Variants in SYT17 observed in about 807,000 individuals in gnomAD.
SYT17 encodes synaptotagmin-17.
In SYT17, 22 loss-of-function variants were observed where a neutral mutation model predicts 46.7. The ratio of observed to expected loss-of-function variants is 0.47; its 90% CI spans 0.34 to 0.67. SYT17 has a LOEUF of 0.67. Among genes scored for constraint, SYT17 ranks in the 30% least tolerant of loss-of-function variants. The pLI, the probability that SYT17 is intolerant of heterozygous loss-of-function variation, is 0.01. For missense variants in SYT17, 519 were observed against 612.8 expected (o/e 0.85, Z 1.62); for synonymous variants, 251 against 248.4 (o/e 1.01, Z -0.10).
intron 5 of SYT17, among the ~76,000 whole-genome samples, chr16:19,216,973 T>C (rs544762452): frequency 8.5e-5 from 13 of 152,338 alleles, no homozygotes; most frequent in African/African-American, 2.9e-4. Context: ...TCCACAATGG[T>C]TGAACTAATT....
At chr16:19,251,352 C>T (rs1198376374) in intron 7 of SYT17, among the ~76,000 whole-genome samples, 1 of 152,162 alleles carries the variant, frequency 6.6e-6, no homozygotes, top group Non-Finnish European at 1.5e-5. Flanking sequence ...ACACATGCCA[C>T]ATTAACCCAC....
At chr16:19,249,820 T>C in intron 7 of SYT17, 2 of 985,716 alleles carry the variant, frequency 2.0e-6, no homozygotes, top group East Asian at 2.8e-5. Context: ...ATGCATGGTC[T>C]GTTATTGGAG....
rs1328272137 is a variant in SYT17, at chr16:19,267,464, C to G, written c.*388C>G. ...CAAGCTCCATCAAGACTAAATTTAC[C>G]AAGAGTTTGGCCAGTGTGTGGGAGA... On this transcript the variant is annotated 3_prime_UTR_variant, in exon 8 of 8. Transcript: ENST00000355377. 3 of 162,370 alleles carry G rather than the reference C, an allele frequency of 1.8e-5. No individual in the cohort carries two copies. The highest frequency in any genetic ancestry group is 2.7e-5 in the Non-Finnish European group (2 of 74,866). The allele number at this position is 162,370 out of a possible 1,614,324, so 10.1% of individuals were successfully genotyped here.
intron 5 of SYT17, among the ~76,000 whole-genome samples, chr16:19,201,099 A>G (rs1235212684): frequency 6.6e-6 from 1 of 152,210 alleles, no homozygotes; most frequent in Non-Finnish European, 1.5e-5. Flanking sequence ...GGCCCCAGCT[A>G]CTGCCGGACA....
intron 5 of SYT17, among the ~76,000 whole-genome samples, chr16:19,218,136 T>C (rs1966165224): frequency 6.6e-6 from 1 of 152,210 alleles, no homozygotes; most frequent in Non-Finnish European, 1.5e-5. Flanking sequence ...GCGATTCAGC[T>C]TTAGTGCCAG....
chr16:19,214,380 G>A (rs930960803), intron 5 of SYT17, among the ~76,000 whole-genome samples: 2 of 152,078 alleles, frequency 1.3e-5, no homozygotes, highest in African/African-American at 4.8e-5. Context: ...TGTTGCCCAG[G>A]CTGGAGTGCA....
intron 5 of SYT17, among the ~76,000 whole-genome samples, chr16:19,197,140 C>T (rs1445685471): frequency 6.6e-6 from 1 of 152,228 alleles, no homozygotes; most frequent in East Asian, 1.9e-4. Flanking sequence ...TTGACCCTCT[C>T]CGTAGAGTCC....
intron 5 of SYT17, among the ~76,000 whole-genome samples, chr16:19,198,176 T>C (rs1965326328): frequency 6.6e-6 from 1 of 152,204 alleles, no homozygotes; most frequent in Non-Finnish European, 1.5e-5. Flanking sequence ...AGCTATTGTA[T>C]ATGAAATTGA....
At chr16:19,192,622 C>T (rs756124661) in intron 5 of SYT17, among the ~76,000 whole-genome samples, 6 of 152,012 alleles carry the variant, frequency 3.9e-5, no homozygotes, top group African/African-American at 7.2e-5. Flanking sequence ...CAAGAAGTAC[C>T]GGTGCCAGTT....
At chr16:19,229,722 G>T (rs1966614730) in intron 7 of SYT17, among the ~76,000 whole-genome samples, 1 of 152,334 alleles carries the variant, frequency 6.6e-6, no homozygotes, top group Non-Finnish European at 1.5e-5. Flanking sequence ...ATACCCAAAA[G>T]AATTGAAAGC....
chr16:19,220,646 C>T (rs1966280902), intron 5 of SYT17, among the ~76,000 whole-genome samples: 1 of 152,042 alleles, frequency 6.6e-6, no homozygotes. Flanking sequence ...TATTGAGGAC[C>T]ATCATGATAT....
intron 5 of SYT17, among the ~76,000 whole-genome samples, chr16:19,200,814 G>C (rs1321331744): frequency 1.3e-5 from 2 of 152,232 alleles, no homozygotes; most frequent in Non-Finnish European, 2.9e-5. Context: ...GAAGAGGAGA[G>C]GTGAGATTGA....
chr16:19,206,572 A>G (rs887833922), intron 5 of SYT17, among the ~76,000 whole-genome samples: 1 of 152,152 alleles, frequency 6.6e-6, no homozygotes, highest in African/African-American at 2.4e-5. Flanking sequence ...CTGGAGGCTT[A>G]TAGTCCAAAT....
At chr16:19,188,250 TC>T (rs1964861569) in intron 5 of SYT17, among the ~76,000 whole-genome samples, 1 of 152,030 alleles carries the variant, frequency 6.6e-6, no homozygotes, top group South Asian at 2.1e-4. Context: ...AACCAAATAC[TC>T]CGTGTTCTCA....
intron 5 of SYT17, among the ~76,000 whole-genome samples, chr16:19,212,054 C>A (rs1567214758): frequency 6.6e-6 from 1 of 152,110 alleles, no homozygotes; most frequent in Non-Finnish European, 1.5e-5. Context: ...ATTTTAGAGA[C>A]CATTAGTTCT....
chr16:19,259,793 G>A (rs1968834784), intron 7 of SYT17, among the ~76,000 whole-genome samples: 1 of 151,938 alleles, frequency 6.6e-6, no homozygotes, highest in Non-Finnish European at 1.5e-5. Flanking sequence ...AAAAGTGTCT[G>A]AGACAAGTCG....
intron 7 of SYT17, among the ~76,000 whole-genome samples, chr16:19,243,902 C>T (rs532931876): frequency 6.6e-6 from 1 of 150,626 alleles, no homozygotes; most frequent in South Asian, 2.1e-4. Context: ...TTACAAGAAG[C>T]ACCTCTAAGA....
intron 5 of SYT17, among the ~76,000 whole-genome samples, chr16:19,194,361 A>G (rs1262380760): frequency 6.6e-6 from 1 of 152,202 alleles, no homozygotes; most frequent in African/African-American, 2.4e-5. Flanking sequence ...ATGCTGCAGA[A>G]CCACCTCTCC....
chr16:19,200,077 A>T (rs576429919), intron 5 of SYT17, among the ~76,000 whole-genome samples: 1 of 152,226 alleles, frequency 6.6e-6, no homozygotes, highest in Non-Finnish European at 1.5e-5. Context: ...CAGACTCTCT[A>T]GGAGAAAGAG....
Sources: allele counts gnomAD v4.1 joint callset (sites outside exome capture counted in the v4.1 genomes callset), GRCh38; gene constraint gnomAD v4.1.1; transcripts MANE v1.5; gene names NCBI Gene and HGNC (gene_info 2026-07-23, HGNC 2026-07-21).